Variants in STK39 observed in about 807,000 individuals in gnomAD.
The protein encoded by STK39 is serine/threonine kinase 39.
In STK39, 20 loss-of-function variants were observed where a neutral mutation model predicts 77.8. The observed-to-expected ratio is 0.26, with a 90% CI of 0.18 to 0.37. STK39 has a LOEUF of 0.37. STK39 is among the 10% of genes least tolerant of loss of function. The pLI, the probability that STK39 is intolerant of heterozygous loss-of-function variation, is 1.00. For missense variants in STK39, 479 were observed against 656.5 expected, an observed-to-expected ratio of 0.73 and a Z score of 2.95; for synonymous variants, 246 against 234.1, an observed-to-expected ratio of 1.05 and a Z score of -0.47.
intron 14 of STK39, among the ~76,000 whole-genome samples, chr2:168,034,753 G>A (rs1191805895): frequency 3.9e-5 from 6 of 152,200 alleles, no homozygotes; most frequent in Non-Finnish European, 8.8e-5. Context: ...GCATTATGAA[G>A]ATGGCCCTGC....
intron 14 of STK39, among the ~76,000 whole-genome samples, chr2:168,053,923 C>G (rs1685459633): frequency 1.3e-5 from 2 of 152,194 alleles, no homozygotes; most frequent in Admixed American, 6.5e-5. Context: ...TCCAGTCTTT[C>G]TGTTTCATCT....
intron 14 of STK39, among the ~76,000 whole-genome samples, chr2:168,026,211 G>T (rs987274915): frequency 6.6e-6 from 1 of 152,154 alleles, no homozygotes; most frequent in Non-Finnish European, 1.5e-5. Flanking sequence ...AACAATGTAA[G>T]TAAGTGCTTA....
chr2:168,140,764 A>AG lies in STK39; in HGVS notation c.629-7dup. ...GAACGCACTTACCCCAAAATCTGAA[A>AG]GGGAAAAAAAAATCACCTTTATTTT... On this transcript the variant is annotated splice_region_variant and splice_polypyrimidine_tract_variant and intron_variant, in intron 5 of 17. Coordinates refer to ENST00000355999, the MANE Select transcript of STK39 (RefSeq NM_013233.3). 1 of 1,572,348 alleles carries AG rather than the reference A, an allele frequency of 6.4e-7. No homozygotes were observed. The highest frequency in any genetic ancestry group is 2.3e-5 in the East Asian group (1 of 44,248).
intron 10 of STK39, among the ~76,000 whole-genome samples, chr2:168,106,478 A>T (rs1321293551): frequency 6.6e-6 from 1 of 152,214 alleles, no homozygotes; most frequent in Non-Finnish European, 1.5e-5. Context: ...CTAAAATTTA[A>T]AAGAACAGAT....
intron 5 of STK39, 77 bp downstream of exon 5, chr2:168,161,710 C>A (rs973554806): frequency 9.7e-7 from 1 of 1,034,306 alleles, no homozygotes. Context: ...ATTCATTTCT[C>A]AGGAATGATT....
intron 16 of STK39, among the ~76,000 whole-genome samples, chr2:167,996,456 G>A (rs767283260): frequency 1.2e-4 from 19 of 152,184 alleles, no homozygotes; most frequent in Non-Finnish European, 2.1e-4. Context: ...AACCTACCTG[G>A]CAGGGGCAGC....
At chr2:168,059,327 G>C (rs563402022) in intron 14 of STK39, among the ~76,000 whole-genome samples, 3 of 152,162 alleles carry the variant, frequency 2.0e-5, no homozygotes, top group Non-Finnish European at 2.9e-5. Flanking sequence ...ACATGGCAAA[G>C]GTGAAGATGT....
intron 1 of STK39, among the ~76,000 whole-genome samples, chr2:168,223,848 G>A (rs368129614): frequency 2.6e-5 from 4 of 152,042 alleles, no homozygotes; most frequent in East Asian, 3.9e-4. Flanking sequence ...TTATCTGGTC[G>A]ACTTGAATTG....
chr2:168,160,914 C>A (rs1297134046), intron 5 of STK39, among the ~76,000 whole-genome samples: 1 of 139,490 alleles, frequency 7.2e-6, no homozygotes, highest in Non-Finnish European at 1.5e-5. Context: ...CCAGCCTCCA[C>A]GATGAGGAGA....
intron 16 of STK39, among the ~76,000 whole-genome samples, chr2:167,966,949 TG>T (rs1692174898): frequency 6.6e-6 from 1 of 152,218 alleles, no homozygotes; most frequent in East Asian, 1.9e-4. Flanking sequence ...CCAGTAGCAA[TG>T]CTCATTAAAA....
chr2:168,092,754 C>A (rs536153641), intron 10 of STK39, among the ~76,000 whole-genome samples: 1 of 152,122 alleles, frequency 6.6e-6, no homozygotes, highest in Non-Finnish European at 1.5e-5. Context: ...TATTTGAGTA[C>A]CATCATTTTT....
intron 4 of STK39, among the ~76,000 whole-genome samples, chr2:168,162,618 T>C (rs1203755096): frequency 6.6e-6 from 1 of 152,054 alleles, no homozygotes; most frequent in Non-Finnish European, 1.5e-5. Context: ...AAATACTAAT[T>C]ATAATAATAG....
chr2:168,006,947 A>G (rs768306381), intron 16 of STK39, among the ~76,000 whole-genome samples: 25 of 152,210 alleles, frequency 1.6e-4, no homozygotes, highest in Non-Finnish European at 2.9e-4. Context: ...GGCTACCCTG[A>G]AGCTAGGTAT....
intron 16 of STK39, among the ~76,000 whole-genome samples, chr2:167,977,136 A>G (rs1479840403): frequency 6.6e-6 from 1 of 152,164 alleles, no homozygotes; most frequent in East Asian, 1.9e-4. Flanking sequence ...GTCCTAGTGC[A>G]AATGTCTGAT....
chr2:168,142,873 T>C (rs1001444100), intron 5 of STK39, among the ~76,000 whole-genome samples: 5 of 152,238 alleles, frequency 3.3e-5, no homozygotes, highest in African/African-American at 4.8e-5. Context: ...ACAGATTATA[T>C]GTACTCAGTA....
chr2:168,244,485 A>G (rs1463309573), intron 1 of STK39, among the ~76,000 whole-genome samples: 1 of 152,200 alleles, frequency 6.6e-6, no homozygotes, highest in African/African-American at 2.4e-5. Flanking sequence ...GAGTCATATC[A>G]TATGACACCT....
chr2:168,064,356 C>T (rs1574433442), intron 13 of STK39, among the ~76,000 whole-genome samples: 2 of 152,310 alleles, frequency 1.3e-5, no homozygotes, highest in South Asian at 2.1e-4. Context: ...CAACCAATCC[C>T]TACAGTTTAT....
In STK39 at chr2:167,996,524, C is replaced by A. The variant is rs907412209; in HGVS notation, c.1498+16110G>T. On this transcript the variant is annotated intron_variant, in intron 16 of 17. Transcript: ENST00000355999. ...TCATCTCTCATAGCTTAGCGTCCAG[C>A]CCGCCCCCCAGGCATCACGGGTACA... is the stretch of plus-strand genomic sequence containing the variant. 2.6e-4 allele frequency among the ~76,000 whole-genome samples: 39 copies of A among 152,174 alleles called. 1 individual carries two copies. Among genetic ancestry groups the A allele is most frequent in the Non-Finnish European group, 7.3e-5 (5 of 68,028 alleles).
At chr2:168,242,383 G>GA (rs1690780442) in intron 1 of STK39, among the ~76,000 whole-genome samples, 1 of 150,886 alleles carries the variant, frequency 6.6e-6, no homozygotes, top group Non-Finnish European at 1.5e-5. Context: ...CCAACATGGT[G>GA]AAACCCTGTT....
Sources: gnomAD v4.1 joint callset for allele counts (sites outside exome capture counted in the v4.1 genomes callset) on GRCh38, gnomAD v4.1.1 for gene constraint, MANE v1.5 for transcripts, NCBI Gene and HGNC (gene_info 2026-07-23, HGNC 2026-07-21) for gene names.